The following ITPK1 variants were observed in gnomAD, a reference collection of about 807,000 sequenced individuals.
ITPK1 encodes inositol 1,3,4-trisphosphate 5/6-kinase.
In ITPK1, 21 loss-of-function variants were observed where a neutral mutation model predicts 45.3. That is an observed-to-expected ratio of 0.46 (90% CI 0.33 to 0.67). ITPK1 has a LOEUF of 0.67. Among genes scored for constraint, ITPK1 ranks in the 30% least tolerant of loss-of-function variants. The pLI, the probability that ITPK1 is intolerant of heterozygous loss-of-function variation, is 0.02. For missense variants in ITPK1, 474 were observed against 573.5 expected, an observed-to-expected ratio of 0.83 and a Z score of 1.77; for synonymous variants, 258 against 253.6, an observed-to-expected ratio of 1.02 and a Z score of -0.16.
chr14:93,053,751 C>T (rs558374565), intron 3 of ITPK1, among the ~76,000 whole-genome samples: 6 of 152,284 alleles, frequency 3.9e-5, no homozygotes, highest in South Asian at 2.1e-4. Context: ...AGGGCAGATA[C>T]GGGAAGTCTC....
intron 3 of ITPK1, among the ~76,000 whole-genome samples, chr14:93,044,818 A>G (rs1309201628): frequency 6.6e-6 from 1 of 151,846 alleles, no homozygotes; most frequent in African/African-American, 2.4e-5. Context: ...AGCAAGAAAA[A>G]CCCGACACCG....
At chr14:93,037,708 C>T (rs1177020833) in intron 3 of ITPK1, among the ~76,000 whole-genome samples, 2 of 152,196 alleles carry the variant, frequency 1.3e-5, no homozygotes, top group Non-Finnish European at 2.9e-5. Context: ...CTCTAGGAAC[C>T]CTTAACATGA....
At chr14:93,075,199 C>T (rs1191373765) in intron 3 of ITPK1, among the ~76,000 whole-genome samples, 6 of 151,690 alleles carry the variant, frequency 4.0e-5, no homozygotes, top group Non-Finnish European at 7.4e-5. Context: ...TGGTGGCACA[C>T]GCCTCTAATC....
chr14:93,093,914 CA>C (rs1891963975), intron 2 of ITPK1, among the ~76,000 whole-genome samples: 1 of 152,266 alleles, frequency 6.6e-6, no homozygotes, highest in African/African-American at 2.4e-5. Flanking sequence ...CAAGCGTGTA[CA>C]ATGATGGCTT....
intron 5 of ITPK1, among the ~76,000 whole-genome samples, chr14:92,992,581 A>G (rs1357193507): frequency 6.6e-6 from 1 of 152,234 alleles, no homozygotes; most frequent in Non-Finnish European, 1.5e-5. Context: ...CTTCCAGGAC[A>G]GCCAAATCCA....
chr14:92,978,850 G>A (rs114715588), intron 5 of ITPK1, among the ~76,000 whole-genome samples: 3,394 of 152,312 alleles, frequency 0.022, 117 homozygotes, highest in African/African-American at 0.078. Flanking sequence ...CTAGGGCAGT[G>A]CAGAGAGTAA....
chr14:92,970,881 C>T (rs1475535871), intron 5 of ITPK1, among the ~76,000 whole-genome samples: 2 of 152,148 alleles, frequency 1.3e-5, no homozygotes, highest in Admixed American at 6.5e-5. Context: ...GTGATCCGCC[C>T]GCCTCGGCCT....
intron 4 of ITPK1, among the ~76,000 whole-genome samples, chr14:92,997,577 C>T (rs967977850): frequency 3.9e-5 from 6 of 152,172 alleles, no homozygotes; most frequent in African/African-American, 1.2e-4. Context: ...ATACTGAGGG[C>T]CTCGTGTATT....
rs908124275 is a variant in ITPK1 at position 93,012,814 on chromosome 14, A to AAGCTT, written c.246+3857_246+3861dup. Among the ~76,000 whole-genome samples the AAGCTT allele has an allele frequency of 4.6e-5, 7 of 152,198 alleles. No individual in the cohort carries two copies. The highest frequency in any genetic ancestry group is 8.8e-5 in the Non-Finnish European group (6 of 68,020). ...AGACTGAAACTTCCTTCTTAGTCCT[A>AAGCTT]AGCTTATTCAGGGAGAACCCCAGGA... On this transcript the variant is annotated intron_variant, in intron 4 of 10. Coordinates refer to ENST00000267615, the MANE Select transcript of ITPK1 (RefSeq NM_014216.6). This position sits in a 1 kb window ranked among gnomAD's most constrained non-coding sequence, Gnocchi z 4.9.
intron 2 of ITPK1, among the ~76,000 whole-genome samples, chr14:93,093,819 C>A (rs1891959306): frequency 6.6e-6 from 1 of 152,232 alleles, no homozygotes; most frequent in African/African-American, 2.4e-5. Context: ...GCAGCCTCCC[C>A]CTCCAATCCC....
At chr14:92,952,086 G>T in intron 8 of ITPK1, 73 bp from the exon 9 acceptor site, 1 of 1,220,006 alleles carries the variant, frequency 8.2e-7, no homozygotes, top group South Asian at 1.3e-5. Context: ...CCTGACACCA[G>T]GGGGCAGCAT....
intron 5 of ITPK1, among the ~76,000 whole-genome samples, chr14:92,988,526 TGGC>T (rs1340927490): frequency 1.3e-5 from 2 of 152,192 alleles, no homozygotes; most frequent in Non-Finnish European, 2.9e-5. Context: ...CCAGGGATGA[TGGC>T]CATGCCACCA....
intron 2 of ITPK1, among the ~76,000 whole-genome samples, chr14:93,112,766 A>T (rs1892803016): frequency 1.3e-5 from 2 of 152,172 alleles, no homozygotes; most frequent in Non-Finnish European, 2.9e-5. Flanking sequence ...AAATACCTTT[A>T]GACTTTTTCA....
intron 4 of ITPK1, among the ~76,000 whole-genome samples, chr14:93,009,196 T>C (rs1887769067): frequency 6.6e-6 from 1 of 152,204 alleles, no homozygotes; most frequent in South Asian, 2.1e-4. Flanking sequence ...AAGATGTCAA[T>C]CATGTTGAGG....
chr14:93,080,637 C>T (rs180785959), intron 2 of ITPK1, among the ~76,000 whole-genome samples: 87 of 152,314 alleles, frequency 5.7e-4, no homozygotes, highest in Non-Finnish European at 9.1e-4. Context: ...ACTGTGGCCA[C>T]GGGGCTGTGG....
At chr14:93,009,028 T>C (rs988416014) in intron 4 of ITPK1, among the ~76,000 whole-genome samples, 2 of 152,084 alleles carry the variant, frequency 1.3e-5, no homozygotes, top group African/African-American at 4.8e-5. Context: ...AGGGGTGGCA[T>C]GGGCTCCCTC....
chr14:93,024,186 T>C (rs1214886096), intron 3 of ITPK1, among the ~76,000 whole-genome samples: 1 of 152,192 alleles, frequency 6.6e-6, no homozygotes, highest in African/African-American at 2.4e-5. Flanking sequence ...GAACCTCCTG[T>C]TGCCAGGCCT....
Position 92,938,842 on chromosome 14 carries a change from T to C in ITPK1, c.*2719A>G. ...TCACATCACCATATAATCAAAGCAC[T>C]GTCAGGCAGAACTTGACCCACGGCC... On this transcript the variant is annotated 3_prime_UTR_variant, in exon 11 of 11. Coordinates refer to ENST00000267615, the MANE Select transcript of ITPK1 (RefSeq NM_014216.6). 2.1e-6 allele frequency: 1 copy of C among 484,290 alleles called. No homozygotes were observed. The highest frequency in any genetic ancestry group is 3.7e-6 in the Non-Finnish European group (1 of 269,480). 30.0% of individuals were successfully genotyped at this position (484,290 alleles called of 1,614,324 possible).
In ITPK1 at chr14:92,940,555, T is replaced by G; in HGVS notation, c.*1006A>C. The G allele has an allele frequency of 8.5e-7, 1 of 1,173,454 alleles. No homozygotes were observed. The highest frequency in any genetic ancestry group is 1.6e-5 in the African/African-American group (1 of 61,638). 72.7% of individuals were successfully genotyped at this position (1,173,454 alleles called of 1,614,324 possible). On this transcript the variant is annotated 3_prime_UTR_variant, in exon 11 of 11. Transcript: ENST00000267615. ...GGGACCCAGCAGGTGTGAAAAGGAG[T>G]GAACCCACTGGGAAGAGGGCCCCGA...
Sources: allele counts gnomAD v4.1 joint callset (sites outside exome capture counted in the v4.1 genomes callset), GRCh38; gene constraint gnomAD v4.1.1; non-coding constraint Gnocchi (gnomAD v3.1); transcripts MANE v1.5; gene names NCBI Gene and HGNC (gene_info 2026-07-23, HGNC 2026-07-21).